Variants in CSNK1G3 observed in about 807,000 individuals in gnomAD.
The protein encoded by CSNK1G3 is casein kinase I isoform gamma-3.
CSNK1G3 carries 23 observed loss-of-function variants against 64.3 expected under a neutral mutation model. The ratio of observed to expected loss-of-function variants is 0.36; its 90% CI spans 0.26 to 0.51. The LOEUF (loss-of-function observed/expected upper bound fraction) is 0.51. Ranked by LOEUF, CSNK1G3 falls within the 20% of genes least tolerant of loss-of-function variation. The pLI is 0.96. For missense variants in CSNK1G3, 357 were observed against 510.5 expected, an observed-to-expected ratio of 0.70 and a Z score of 2.90; for synonymous variants, 158 against 162.2, an observed-to-expected ratio of 0.97 and a Z score of 0.20.
At chr5:123,515,617 A>C (rs1213779614) in intron 1 of CSNK1G3, among the ~76,000 whole-genome samples, 1 of 152,144 alleles carries the variant, frequency 6.6e-6, no homozygotes, top group Non-Finnish European at 1.5e-5. Context: ...ATGTAACCCC[A>C]CACTTAATCA....
chr5:123,559,851 AT>A (rs1352015032), intron 4 of CSNK1G3, among the ~76,000 whole-genome samples: 1 of 152,074 alleles, frequency 6.6e-6, no homozygotes. Context: ...ATCTGAAAAG[AT>A]TATATTTTCA....
intron 1 of CSNK1G3, among the ~76,000 whole-genome samples, chr5:123,529,434 A>G (rs895098197): frequency 6.6e-6 from 1 of 152,184 alleles, no homozygotes; most frequent in Non-Finnish European, 1.5e-5. Context: ...AAAATGTACT[A>G]CAGAAAGTTG....
At chr5:123,514,636 AT>A (rs1373872929) in intron 1 of CSNK1G3, among the ~76,000 whole-genome samples, 1 of 151,648 alleles carries the variant, frequency 6.6e-6, no homozygotes, top group Non-Finnish European at 1.5e-5. Context: ...TGACTGGGAA[AT>A]TTTGAATGGA....
intron 12 of CSNK1G3, among the ~76,000 whole-genome samples, chr5:123,613,432 T>TGC (rs1373292667): frequency 6.8e-6 from 1 of 148,072 alleles, no homozygotes; most frequent in African/African-American, 2.5e-5. Flanking sequence ...TGTGTGTGTG[T>TGC]GCGTATGTAT....
At position 123,513,289 on chromosome 5, in the gene CSNK1G3, C is replaced by T. The variant is rs543039827; in HGVS notation, c.-248+719C>T. On this transcript the variant is annotated intron_variant, in intron 1 of 12. Transcript: ENST00000345990. ...CGGGTCTCTTGGTCCACAGCCTCCA[C>T]ATTTCTTTTCAGCAGGATGAGGAGG... Among the ~76,000 whole-genome samples the T allele has an allele frequency of 2.6e-5, 4 of 152,258 alleles. No individual in the cohort carries two copies. The South Asian group carries it at 8.3e-4, about 32-fold the overall frequency.
chr5:123,567,470 G>T (rs1239712416), intron 4 of CSNK1G3, among the ~76,000 whole-genome samples: 1 of 152,146 alleles, frequency 6.6e-6, no homozygotes, highest in Non-Finnish European at 1.5e-5. Context: ...GCTGGGCGTG[G>T]TGGCAGGTGC....
intron 1 of CSNK1G3, among the ~76,000 whole-genome samples, chr5:123,521,467 C>T (rs558286251): frequency 5.9e-5 from 9 of 152,020 alleles, no homozygotes; most frequent in Non-Finnish European, 1.5e-5. Flanking sequence ...TTTCTGATAT[C>T]TATTGAAAGT....
chr5:123,576,308 G>T (rs1442748435), intron 6 of CSNK1G3, among the ~76,000 whole-genome samples: 1 of 152,084 alleles, frequency 6.6e-6, no homozygotes, highest in African/African-American at 2.4e-5. Flanking sequence ...AGTACATGTG[G>T]AAATTTTGGA....
chr5:123,567,729 G>A (rs1787210770), intron 4 of CSNK1G3, among the ~76,000 whole-genome samples: 1 of 152,218 alleles, frequency 6.6e-6, no homozygotes, highest in African/African-American at 2.4e-5. Context: ...GTCAAAGGCT[G>A]TATTATATTC....
chr5:123,537,057 A>G (rs1353426390), intron 1 of CSNK1G3, among the ~76,000 whole-genome samples: 1 of 152,128 alleles, frequency 6.6e-6, no homozygotes, highest in Non-Finnish European at 1.5e-5. Flanking sequence ...AAATAGAACT[A>G]CCACTGGATC....
intron 10 of CSNK1G3, among the ~76,000 whole-genome samples, chr5:123,601,194 A>G (rs1561613302): frequency 6.6e-6 from 1 of 152,150 alleles, no homozygotes; most frequent in Admixed American, 6.6e-5. Context: ...ATTTGTGCAT[A>G]TTTGATTGTT....
At chr5:123,587,107 A>C (rs1561579473) in intron 6 of CSNK1G3, among the ~76,000 whole-genome samples, 1 of 152,216 alleles carries the variant, frequency 6.6e-6, no homozygotes, top group East Asian at 1.9e-4. Context: ...GTGTGAACAC[A>C]ACCAAACCAT....
At chr5:123,589,957 T>G (rs1282346490) in intron 8 of CSNK1G3, among the ~76,000 whole-genome samples, 1 of 152,128 alleles carries the variant, frequency 6.6e-6, no homozygotes, top group Non-Finnish European at 1.5e-5. Context: ...TTAGTTGGTT[T>G]ATGTCACTGA....
intron 12 of CSNK1G3, among the ~76,000 whole-genome samples, chr5:123,611,366 T>C (rs907536890): frequency 6.6e-6 from 1 of 152,206 alleles, no homozygotes; most frequent in Non-Finnish European, 1.5e-5. Context: ...GTTCTTTATT[T>C]AGTGGGAATT....
At chr5:123,602,721 G>T (rs1406672179) in intron 10 of CSNK1G3, among the ~76,000 whole-genome samples, 1 of 152,100 alleles carries the variant, frequency 6.6e-6, no homozygotes, top group East Asian at 1.9e-4. Context: ...AGAGTTTAAG[G>T]TGCCAAACTT....
At chr5:123,567,850 G>A (rs918466545) in intron 4 of CSNK1G3, among the ~76,000 whole-genome samples, 1 of 152,090 alleles carries the variant, frequency 6.6e-6, no homozygotes, top group African/African-American at 2.4e-5. Flanking sequence ...ATCAAAATAG[G>A]AACCATTACG....
intron 6 of CSNK1G3, among the ~76,000 whole-genome samples, chr5:123,584,701 G>A (rs754810115): frequency 1.3e-5 from 2 of 152,098 alleles, no homozygotes; most frequent in African/African-American, 2.4e-5. Flanking sequence ...ATTCAGTAGC[G>A]ATGCTATCTG....
intron 2 of CSNK1G3, among the ~76,000 whole-genome samples, chr5:123,551,886 G>T (rs959501646): frequency 6.6e-6 from 1 of 151,980 alleles, no homozygotes; most frequent in Non-Finnish European, 1.5e-5. Flanking sequence ...AAATCATATT[G>T]TACAGTTTTT....
At chr5:123,516,854 G>A (rs1777256673) in intron 1 of CSNK1G3, among the ~76,000 whole-genome samples, 2 of 152,110 alleles carry the variant, frequency 1.3e-5, no homozygotes, top group South Asian at 4.1e-4. Context: ...ATGTGAGGTT[G>A]AAGTTGTATT....
Sources: allele counts gnomAD v4.1 joint callset (sites outside exome capture counted in the v4.1 genomes callset), GRCh38; gene constraint gnomAD v4.1.1; transcripts MANE v1.5; gene names NCBI Gene and HGNC (gene_info 2026-07-23, HGNC 2026-07-21).